PLXNA4: variants seen among roughly 807,000 people sequenced by gnomAD.
PLXNA4 encodes plexin-A4.
In PLXNA4, 44 loss-of-function variants were observed where a neutral mutation model predicts 191.8. That is an observed-to-expected ratio of 0.23 (90% confidence interval 0.18 to 0.29). PLXNA4 has a LOEUF of 0.29. PLXNA4 is among the 10% of genes least tolerant of loss of function. The pLI is 1.00. For missense variants in PLXNA4, 1,800 were observed against 2,488.8 expected (o/e 0.72, Z 5.89); for synonymous variants, 1,082 against 1,009.5 (o/e 1.07, Z -1.36).
rs187737965 is a variant in PLXNA4 at position 132,184,033 on chromosome 7, T to G, written c.3158+1266A>C. Among the ~76,000 whole-genome samples, 6 of 152,304 alleles carry G rather than the reference T, an allele frequency of 3.9e-5. No individual in the cohort carries two copies. The East Asian group carries it at 7.7e-4, about 20-fold the overall frequency. The stretch of plus-strand genomic sequence containing the variant: ...TTACAAAAGCAGGTGGCTAGCCAGA[T>G]TCAGCCCACGGACTGGAGTTTGCCG... On this transcript the variant is annotated intron_variant, in intron 16 of 31. Transcript: ENST00000321063.
chr7:132,636,983 C>G (rs1410894780), intron 2 of PLXNA4, among the ~76,000 whole-genome samples: 1 of 152,198 alleles, frequency 6.6e-6, no homozygotes, highest in South Asian at 2.1e-4. Context: ...TCCCAGGAAG[C>G]TATTGCCTCA....
chr7:132,321,273 C>T (rs775340618), intron 3 of PLXNA4, among the ~76,000 whole-genome samples: 2 of 152,076 alleles, frequency 1.3e-5, no homozygotes, highest in African/African-American at 2.4e-5. Flanking sequence ...ATTTTTCTGT[C>T]TGCCAAGCTG....
upstream of PLXNA4, among the ~76,000 whole-genome samples, chr7:132,580,001 G>A (rs576226598): frequency 6.6e-6 from 1 of 152,184 alleles, no homozygotes; most frequent in South Asian, 2.1e-4. Flanking sequence ...TCCTGGCTCT[G>A]TCATTGGCCA....
At chr7:132,614,026 T>C (rs1390613399) in intron 2 of PLXNA4, among the ~76,000 whole-genome samples, 1 of 152,122 alleles carries the variant, frequency 6.6e-6, no homozygotes, top group South Asian at 2.1e-4. Flanking sequence ...GTAAAGGCAG[T>C]AAGTGAGAAA....
intron 2 of PLXNA4, among the ~76,000 whole-genome samples, chr7:132,494,519 G>A: frequency 6.6e-6 from 1 of 152,182 alleles, no homozygotes; most frequent in East Asian, 1.9e-4. Context: ...CTCGGGAGCA[G>A]GACCCTGAGC....
chr7:132,258,066 C>T (rs1223219533), intron 4 of PLXNA4, among the ~76,000 whole-genome samples: 4 of 152,234 alleles, frequency 2.6e-5, no homozygotes, highest in Non-Finnish European at 5.9e-5. Context: ...CCCCGTAGGG[C>T]CCATCTAATC....
intron 14 of PLXNA4, among the ~76,000 whole-genome samples, chr7:132,191,315 G>A (rs1480169915): frequency 1.3e-5 from 2 of 152,182 alleles, no homozygotes; most frequent in Non-Finnish European, 2.9e-5. Flanking sequence ...AGGAATGAAG[G>A]GATGCTGAGC....
At chr7:132,364,760 G>C (rs1804088258) in intron 3 of PLXNA4, among the ~76,000 whole-genome samples, 2 of 152,184 alleles carry the variant, frequency 1.3e-5, no homozygotes, top group Admixed American at 6.5e-5. Context: ...TCCTGTGGTT[G>C]AGCTAAGTGG....
At chr7:132,453,492 T>G (rs559237756) in intron 3 of PLXNA4, among the ~76,000 whole-genome samples, 37 of 151,832 alleles carry the variant, frequency 2.4e-4, no homozygotes, top group Admixed American at 1.9e-3. Flanking sequence ...CTGAGAACAG[T>G]CCCCAGAAGG....
intron 29 of PLXNA4, among the ~76,000 whole-genome samples, chr7:132,142,713 A>C (rs2116551081): frequency 6.6e-6 from 1 of 152,308 alleles, no homozygotes; most frequent in African/African-American, 2.4e-5. Flanking sequence ...GACAGCCACA[A>C]CACCCAGGTG....
chr7:132,542,006 T>C (rs1316357649), intron 1 of PLXNA4, among the ~76,000 whole-genome samples: 1 of 152,160 alleles, frequency 6.6e-6, no homozygotes, highest in African/African-American at 2.4e-5. Context: ...GAAAATCTAA[T>C]ATATGTTTAG....
At position 132,623,784 on chromosome 7, in the gene PLXNA4, C is replaced by A. The variant is rs77985449; in HGVS notation, c.-87+22144G>T. Among the ~76,000 whole-genome samples, 864 of 152,326 alleles carry A rather than the reference C, an allele frequency of 5.7e-3. 10 individuals are homozygous for A. The highest frequency in any genetic ancestry group is 0.019 in the African/African-American group (785 of 41,578). On this transcript the variant is annotated intron_variant, in intron 2 of 4. Transcript: ENST00000378539. ...CATCCAAAAGTCTAGCAGGAAGCAACCCCCAGGTTGTACAGCACCTCACCC... is the reference window on the plus strand; with the variant it reads ...CATCCAAAAGTCTAGCAGGAAGCAAACCCCAGGTTGTACAGCACCTCACCC...
At chr7:132,241,485 A>G (rs985285252) in intron 4 of PLXNA4, among the ~76,000 whole-genome samples, 6 of 152,186 alleles carry the variant, frequency 3.9e-5, no homozygotes, top group Non-Finnish European at 7.4e-5. Flanking sequence ...GAAACCACCA[A>G]ATATCTCTAC....
rs113759420 is a variant in PLXNA4, at chr7:132,469,928, T to C, written c.1371+19364A>G. ...CAACCAAGGTCGGTGGTGACTCCCC[T>C]TTGGGAGAGAGGACACCATTTGCCA... On this transcript the variant is annotated intron_variant, in intron 3 of 31. Coordinates refer to ENST00000321063, the MANE Select transcript of PLXNA4 (RefSeq NM_020911.2). Among the ~76,000 whole-genome samples the C allele has an allele frequency of 2.8e-3, 420 of 152,288 alleles. 2 individuals are homozygous for C. Among genetic ancestry groups the C allele is most frequent in the Non-Finnish European group, 4.4e-3 (299 of 68,018 alleles).
chr7:132,449,428 G>A (rs1392122582), intron 3 of PLXNA4, among the ~76,000 whole-genome samples: 1 of 152,182 alleles, frequency 6.6e-6, no homozygotes, highest in Non-Finnish European at 1.5e-5. Context: ...GGACTCAGAA[G>A]GCAGGAGGAA....
Position 132,508,556 on chromosome 7 carries a change from C to G in PLXNA4, c.138G>C (p.Glu46Asp). 6.2e-7 allele frequency: 1 copy of G among 1,614,180 alleles called. No individual in the cohort carries two copies. The highest frequency in any genetic ancestry group is 1.7e-5 in the Admixed American group (1 of 60,014). ...KQRSFVTFRGEPAEGFNHLVV... is the reference protein window; with the variant it reads ...KQRSFVTFRGDPAEGFNHLVV... ...CCAGGTGATTGAAACCCTCGGCGGG[C>G]TCTCCTCGGAATGTGACAAATGACC... Residue 46 changes from glutamate to aspartate, a missense_variant, in exon 2 of 32, where the codon GAG becomes GAC. Around this residue, in one of 6 missense-constraint regions of PLXNA4, gnomAD observed 1,397 missense variants for 1,880.4 expected, o/e 0.74. Transcript: ENST00000321063. This position sits in a 1 kb window ranked among gnomAD's most constrained non-coding sequence, Gnocchi z 4.4.
intron 1 of PLXNA4, among the ~76,000 whole-genome samples, chr7:132,523,663 AT>A (rs1333609252): frequency 1.3e-5 from 2 of 152,110 alleles, no homozygotes; most frequent in African/African-American, 4.8e-5. Flanking sequence ...TGTGTAGAGA[AT>A]GGTTTTTGGG....
intron 20 of PLXNA4, among the ~76,000 whole-genome samples, chr7:132,178,713 T>TACACATACACACACAC (rs142378860): frequency 1.8e-5 from 2 of 112,072 alleles, no homozygotes; most frequent in Admixed American, 8.5e-5. Context: ...CACATACACA[T>TACACATACACACACAC]ACACACACAC....
intron 3 of PLXNA4, among the ~76,000 whole-genome samples, chr7:132,481,452 C>G (rs1377737453): frequency 6.6e-6 from 1 of 152,058 alleles, no homozygotes; most frequent in African/African-American, 2.4e-5. Context: ...CGTGTGACCT[C>G]TGGGGAGTTA....
Sources: gnomAD v4.1 joint callset for allele counts (sites outside exome capture counted in the v4.1 genomes callset) on GRCh38, gnomAD v4.1.1 for gene constraint, gnomAD v4.1.1 regional missense constraint, Gnocchi (gnomAD v3.1) non-coding constraint, MANE v1.5 for transcripts, NCBI Gene and HGNC (gene_info 2026-07-23, HGNC 2026-07-21) for gene names.